The following NFIC variants were observed in gnomAD, a reference collection of about 807,000 sequenced individuals.
NFIC encodes the protein nuclear factor I C.
A neutral mutation model predicts 54.4 loss-of-function variants in NFIC; 12 were observed. The ratio of observed to expected loss-of-function variants is 0.22; its 90% CI spans 0.14 to 0.36. The LOEUF is 0.36. NFIC is among the 10% of genes least tolerant of loss of function. The pLI, the probability that NFIC is intolerant of heterozygous loss-of-function variation, is 1.00. For missense variants in NFIC, 575 were observed against 718.2 expected (o/e 0.80, Z 2.28); for synonymous variants, 322 against 319.2 (o/e 1.01, Z -0.09).
At chr19:3,441,862 G>GCTC (rs550908919) in intron 6 of NFIC, among the ~76,000 whole-genome samples, 13 of 152,302 alleles carry the variant, frequency 8.5e-5, no homozygotes, top group Admixed American at 7.2e-4. Context: ...ACCCTGGGAT[G>GCTC]CTCCTCCTCC....
chr19:3,388,936 C>T (rs1373958522), intron 2 of NFIC, among the ~76,000 whole-genome samples: 5 of 151,794 alleles, frequency 3.3e-5, no homozygotes, highest in Admixed American at 2.0e-4. Flanking sequence ...ACCTAGGAGG[C>T]GGAGGTTGCA....
intron 2 of NFIC, among the ~76,000 whole-genome samples, chr19:3,422,505 CA>C (rs2081968002): frequency 6.6e-6 from 1 of 150,914 alleles, no homozygotes; most frequent in East Asian, 2.0e-4. Context: ...ATCACCAGGT[CA>C]GGAGATCGAG....
intron 2 of NFIC, among the ~76,000 whole-genome samples, chr19:3,385,276 C>G (rs10401210): frequency 0.014 from 2,052 of 149,600 alleles, 32 homozygotes; most frequent in African/African-American, 0.047. Context: ...GGCCTGGACT[C>G]CAACCCCAGC....
chr19:3,418,104 T>C (rs1398636738), intron 2 of NFIC, among the ~76,000 whole-genome samples: 2 of 149,752 alleles, frequency 1.3e-5, no homozygotes, highest in Non-Finnish European at 3.0e-5. Context: ...CTTTTCTTTT[T>C]TTTTTTTTTT....
chr19:3,424,577 A>G (rs983170450), intron 2 of NFIC, among the ~76,000 whole-genome samples: 2 of 150,666 alleles, frequency 1.3e-5, no homozygotes, highest in Non-Finnish European at 2.9e-5. Flanking sequence ...GGGTTTCACC[A>G]TGTTGGCCAG....
intron 1 of NFIC, among the ~76,000 whole-genome samples, chr19:3,377,075 C>T (rs953862139): frequency 2.7e-5 from 4 of 150,780 alleles, no homozygotes; most frequent in Non-Finnish European, 4.4e-5. Context: ...ATCACAGTAG[C>T]CCCAGCACTT....
chr19:3,366,792 G>GC (rs534551211), intron 1 of NFIC, 126 bp downstream of exon 1: 12 of 600,390 alleles, frequency 2.0e-5, no homozygotes, highest in Admixed American at 4.3e-5. Flanking sequence ...TGCCCGGGAT[G>GC]CCCCCCGCGC....
At chr19:3,449,759 C>CAAA (rs57195995) in intron 7 of NFIC, among the ~76,000 whole-genome samples, 17 of 88,672 alleles carry the variant, frequency 1.9e-4, no homozygotes, top group African/African-American at 3.9e-4. Context: ...GATTCCATCT[C>CAAA]AAAAAAAAAA....
chr19:3,364,718 C>T (rs1416053887), upstream of NFIC, among the ~76,000 whole-genome samples: 3 of 152,174 alleles, frequency 2.0e-5, no homozygotes, highest in Non-Finnish European at 4.4e-5. Flanking sequence ...GGATTCTAAG[C>T]TGCTGAATGA....
chr19:3,383,891 C>G lies in NFIC; in HGVS notation c.562+1648C>G, dbSNP rs1031063568. 2.6e-5 allele frequency among the ~76,000 whole-genome samples: 4 copies of G among 152,296 alleles called. No homozygotes were observed. The East Asian group carries it at 7.7e-4, about 29-fold the overall frequency. ...CAGACACAGCCCTTCTTTTCCCCAGCTGTATGGACACATCCCTTTTCTGTG... is the reference window on the plus strand; with the variant it reads ...CAGACACAGCCCTTCTTTTCCCCAGGTGTATGGACACATCCCTTTTCTGTG... On this transcript the variant is annotated intron_variant, in intron 2 of 10. Transcript: ENST00000443272.
chr19:3,413,761 G>A lies in NFIC; in HGVS notation c.563-11345G>A, dbSNP rs7249857. Among the ~76,000 whole-genome samples, 771 of 152,012 alleles carry A rather than the reference G, an allele frequency of 5.1e-3. 2 individuals are homozygous for A. The highest frequency in any genetic ancestry group is 0.016 in the African/African-American group (649 of 41,438). On this transcript the variant is annotated intron_variant, in intron 2 of 10. Coordinates refer to ENST00000443272, the MANE Select transcript of NFIC (RefSeq NM_001245002.2). ...AAGCAATTCTCCCGTCTCAGCCTCC[G>A]GAGCAGCTGGGATTACAGGCACGCA...
chr19:3,391,348 A>G (rs1025903051), intron 2 of NFIC, among the ~76,000 whole-genome samples: 1 of 152,160 alleles, frequency 6.6e-6, no homozygotes, highest in East Asian at 1.9e-4. Context: ...TGATAATAAC[A>G]AGTAATAATA....
At chr19:3,385,169 A>C in intron 2 of NFIC, among the ~76,000 whole-genome samples, 3 of 113,668 alleles carry the variant, frequency 2.6e-5, no homozygotes, top group East Asian at 2.6e-4. Flanking sequence ...CCAGCAGGCC[A>C]CACCCTCCCC....
intron 2 of NFIC, among the ~76,000 whole-genome samples, chr19:3,395,959 C>T (rs1407538516): frequency 6.6e-6 from 1 of 152,084 alleles, no homozygotes; most frequent in African/African-American, 2.4e-5. Flanking sequence ...CCATGCCCGG[C>T]CTTATTTTTA....
chr19:3,438,595 G>A (rs901641615), intron 6 of NFIC, among the ~76,000 whole-genome samples: 5 of 152,062 alleles, frequency 3.3e-5, no homozygotes, highest in Admixed American at 1.3e-4. Context: ...CCACTACCAC[G>A]CCCGGCTAAT....
chr19:3,371,988 C>CT (rs2081025576), intron 1 of NFIC, among the ~76,000 whole-genome samples: 1 of 27,406 alleles, frequency 3.6e-5, no homozygotes, highest in Non-Finnish European at 6.4e-5. Flanking sequence ...TCTCTCTCTC[C>CT]CTCTCTCTCC....
At chr19:3,449,171 C>T (rs781098868) in intron 7 of NFIC, 32 bp downstream of exon 7, 7 of 1,598,982 alleles carry the variant, frequency 4.4e-6, no homozygotes, top group African/African-American at 1.3e-5. Context: ...CGGGGAGGGG[C>T]GGCGGGCCCT....
chr19:3,444,542 C>G (rs55805153), intron 6 of NFIC, among the ~76,000 whole-genome samples: 11,448 of 152,242 alleles, frequency 0.075, 1,396 homozygotes, highest in African/African-American at 0.26. Context: ...TAGAGCCTGC[C>G]GGGAGCGTGC....
rs1346625354 is a variant in NFIC, at chr19:3,434,385, G to A, written c.818G>A (p.Ser273Asn). ...ASTGLRRTLP[S>N]TSSSGSKRHK... ...ACTGGCCTCAGAAGAACGCTGCCCA[G>A]CACCTCCTCCAGTGGGTAAGTACCC... The change falls in exon 5 of 11, where the codon AGC becomes AAC. Residue 273 changes from serine (S) to asparagine (N), a missense_variant. Physicochemically the swap from Ser to Asn is conservative, Grantham distance 46. Coordinates refer to ENST00000443272, the MANE Select transcript of NFIC (RefSeq NM_001245002.2). 6.2e-7 allele frequency: 1 copy of A among 1,608,696 alleles called. No homozygotes were observed. Among genetic ancestry groups the A allele is most frequent in the Non-Finnish European group, 8.5e-7 (1 of 1,177,478 alleles).
Sources: allele counts gnomAD v4.1 joint callset (sites outside exome capture counted in the v4.1 genomes callset), GRCh38; gene constraint gnomAD v4.1.1; transcripts MANE v1.5; gene names NCBI Gene and HGNC (gene_info 2026-07-23, HGNC 2026-07-21).